Variants in FBXL17 observed in about 807,000 individuals in gnomAD.
The protein encoded by FBXL17 is F-box/LRR-repeat protein 17.
FBXL17 carries 22 observed loss-of-function variants against 66.2 expected under a neutral mutation model. The observed-to-expected ratio is 0.33, with a 90% CI of 0.24 to 0.47. The LOEUF is 0.47. FBXL17 is among the 20% of genes least tolerant of loss of function. The pLI, the probability that FBXL17 is intolerant of heterozygous loss-of-function variation, is 1.00. For missense variants in FBXL17, 878 were observed against 948.2 expected, an observed-to-expected ratio of 0.93 and a Z score of 0.97; for synonymous variants, 474 against 400.5, an observed-to-expected ratio of 1.18 and a Z score of -2.19.
chr5:108,068,459 G>T (rs199551983), intron 6 of FBXL17, among the ~76,000 whole-genome samples: 49 of 11,732 alleles, frequency 4.2e-3, no homozygotes, highest in East Asian at 0.021. Flanking sequence ...TTCTTTTTTT[G>T]GGGGGGGGGC....
intron 8 of FBXL17, among the ~76,000 whole-genome samples, chr5:107,865,524 T>C (rs1748247165): frequency 2.0e-5 from 3 of 152,196 alleles, no homozygotes; most frequent in Admixed American, 6.5e-5. Context: ...AGAATACAGA[T>C]GATGATGTGT....
chr5:108,168,774 C>T (rs1430971438), intron 6 of FBXL17, among the ~76,000 whole-genome samples: 2 of 152,026 alleles, frequency 1.3e-5, no homozygotes, highest in African/African-American at 4.8e-5. Context: ...TGGATCATCA[C>T]AAATTCTAAA....
At chr5:108,365,972 T>C (rs958413419) in intron 2 of FBXL17, among the ~76,000 whole-genome samples, 2 of 152,124 alleles carry the variant, frequency 1.3e-5, no homozygotes, top group Admixed American at 6.6e-5. Flanking sequence ...AGATTTTCAA[T>C]GTTTCACTTT....
intron 4 of FBXL17, among the ~76,000 whole-genome samples, chr5:108,339,013 A>T (rs1358600290): frequency 6.6e-6 from 1 of 152,188 alleles, no homozygotes; most frequent in Admixed American, 6.5e-5. Context: ...CATTTACAAT[A>T]ATGTATCTTT....
chr5:108,347,362 G>T (rs553979242), intron 4 of FBXL17, among the ~76,000 whole-genome samples: 4 of 152,104 alleles, frequency 2.6e-5, no homozygotes, highest in Non-Finnish European at 5.9e-5. Flanking sequence ...CCCAAACATT[G>T]TTATATGGCC....
At chr5:108,242,125 T>C (rs1755879586) in intron 4 of FBXL17, among the ~76,000 whole-genome samples, 1 of 152,162 alleles carries the variant, frequency 6.6e-6, no homozygotes, top group South Asian at 2.1e-4. Flanking sequence ...ACACAGAATA[T>C]TATAATACTG....
intron 1 of FBXL17, among the ~76,000 whole-genome samples, chr5:108,369,804 C>G (rs1748910718): frequency 6.6e-6 from 1 of 151,980 alleles, no homozygotes; most frequent in African/African-American, 2.4e-5. Context: ...AGATACTTTT[C>G]AGACAATCAA....
At chr5:108,137,892 C>G (rs1194580913) in intron 6 of FBXL17, among the ~76,000 whole-genome samples, 1 of 152,158 alleles carries the variant, frequency 6.6e-6, no homozygotes, top group Non-Finnish European at 1.5e-5. Flanking sequence ...TATGCCTAGA[C>G]TATCGATAAT....
At chr5:108,340,170 AAAGAG>A (rs1275369520) in intron 4 of FBXL17, among the ~76,000 whole-genome samples, 2 of 152,074 alleles carry the variant, frequency 1.3e-5, no homozygotes, top group African/African-American at 4.8e-5. Flanking sequence ...AATAGACTAA[AAAGAG>A]AATAAGAGGA....
At position 107,864,101 on chromosome 5, in the gene FBXL17, C is replaced by T. The variant is rs182297824; in HGVS notation, c.1966-2241G>A. Among the ~76,000 whole-genome samples, 10 of 152,318 alleles carry T rather than the reference C, an allele frequency of 6.6e-5. No homozygotes were observed. In the East Asian group the frequency reaches 1.9e-3, roughly 29 times the overall value. Reference sequence around the variant, plus strand: ...AAACTGTAAAGACAGGATAAAAGTACATATCATAGGACTGTTATAGCGATT... The same window carrying T: ...AAACTGTAAAGACAGGATAAAAGTATATATCATAGGACTGTTATAGCGATT... On this transcript the variant is annotated intron_variant, in intron 8 of 8. Transcript: ENST00000542267.
intron 4 of FBXL17, among the ~76,000 whole-genome samples, chr5:108,308,485 G>A (rs1321720099): frequency 6.6e-6 from 1 of 152,082 alleles, no homozygotes; most frequent in African/African-American, 2.4e-5. Context: ...CCACTAGTAA[G>A]AACTCTGACT....
chr5:107,991,615 C>G (rs945367545), intron 7 of FBXL17, among the ~76,000 whole-genome samples: 1 of 152,160 alleles, frequency 6.6e-6, no homozygotes, highest in East Asian at 1.9e-4. Context: ...TGTTCTTGCC[C>G]AGGCAGGCTA....
chr5:108,297,436 G>A (rs1387813342), intron 4 of FBXL17, among the ~76,000 whole-genome samples: 2 of 151,650 alleles, frequency 1.3e-5, no homozygotes, highest in Non-Finnish European at 3.0e-5. Context: ...AAGAGATGGT[G>A]CTCAATCTCC....
chr5:108,111,173 T>C (rs1373872167), intron 6 of FBXL17, among the ~76,000 whole-genome samples: 2 of 149,106 alleles, frequency 1.3e-5, no homozygotes, highest in Non-Finnish European at 3.0e-5. Context: ...TAAATAACTA[T>C]CTGCAGACCC....
intron 6 of FBXL17, among the ~76,000 whole-genome samples, chr5:108,113,449 T>C (rs890933946): frequency 5.3e-5 from 8 of 152,102 alleles, no homozygotes; most frequent in Admixed American, 3.3e-4. Context: ...CATATATATA[T>C]ATAAATAAAT....
chr5:108,368,470 A>G (rs1422428794), intron 1 of FBXL17, among the ~76,000 whole-genome samples: 1 of 152,248 alleles, frequency 6.6e-6, no homozygotes, highest in South Asian at 2.1e-4. Context: ...CAAAATATTC[A>G]TAACACCAAT....
chr5:108,289,300 A>G (rs1012344897), intron 4 of FBXL17, among the ~76,000 whole-genome samples: 2 of 152,146 alleles, frequency 1.3e-5, no homozygotes, highest in African/African-American at 4.8e-5. Context: ...TAATTCAAAA[A>G]TGTTTTTCTA....
chr5:108,318,845 A>G (rs918893902), intron 4 of FBXL17, among the ~76,000 whole-genome samples: 3 of 151,956 alleles, frequency 2.0e-5, no homozygotes, highest in South Asian at 2.1e-4. Context: ...AGCCTCTATT[A>G]TATTTATAAA....
chr5:108,054,246 TA>T (rs34035220), intron 6 of FBXL17, among the ~76,000 whole-genome samples: 60,976 of 145,972 alleles, frequency 0.42, 14,357 homozygotes, highest in Admixed American at 0.56. Flanking sequence ...AAATAAAAAT[TA>T]AAAAAAAAAA....
Sources: gnomAD v4.1 joint callset for allele counts (sites outside exome capture counted in the v4.1 genomes callset) on GRCh38, gnomAD v4.1.1 for gene constraint, MANE v1.5 for transcripts, NCBI Gene and HGNC (gene_info 2026-07-23, HGNC 2026-07-21) for gene names.